Variants in MMP16 observed in about 807,000 individuals in gnomAD.
MMP16 encodes the protein matrix metallopeptidase 16.
MMP16 carries 12 observed loss-of-function variants against 67.8 expected under a neutral mutation model. The ratio of observed to expected loss-of-function variants is 0.18; its 90% CI spans 0.11 to 0.29. The LOEUF is 0.29. Among genes scored for constraint, MMP16 ranks in the 10% least tolerant of loss-of-function variants. MMP16 has a pLI of 1.00. For synonymous variants in MMP16, 249 were observed against 255.9 expected (o/e 0.97, Z 0.26); for missense variants, 475 against 765.7 (o/e 0.62, Z 4.48).
chr8:88,241,546 ATTAT>A (rs933253025), intron 1 of MMP16, among the ~76,000 whole-genome samples: 4 of 152,100 alleles, frequency 2.6e-5, no homozygotes, highest in Admixed American at 6.6e-5. Flanking sequence ...TTTTTTAAAA[ATTAT>A]TTATTTGATG....
intron 1 of MMP16, among the ~76,000 whole-genome samples, chr8:88,253,182 T>G (rs922301535): frequency 1.7e-5 from 2 of 119,186 alleles, no homozygotes; most frequent in African/African-American, 5.2e-5. Flanking sequence ...TTACTAATAT[T>G]TATTTAGACA....
intron 1 of MMP16, among the ~76,000 whole-genome samples, chr8:88,282,446 A>T (rs913791931): frequency 1.3e-5 from 2 of 152,234 alleles, no homozygotes; most frequent in African/African-American, 2.4e-5. Context: ...AATTAATTCA[A>T]TAGAATCTAT....
chr8:88,208,969 G>A (rs185727106), intron 1 of MMP16, among the ~76,000 whole-genome samples: 4 of 152,126 alleles, frequency 2.6e-5, no homozygotes, highest in Admixed American at 1.3e-4. Flanking sequence ...CATCTGAACC[G>A]TGCCAGATGA....
chr8:88,258,348 C>G (rs1193806470), intron 1 of MMP16, among the ~76,000 whole-genome samples: 1 of 152,142 alleles, frequency 6.6e-6, no homozygotes, highest in South Asian at 2.1e-4. Context: ...CTAAAATAGG[C>G]TTTCAATTTC....
At chr8:88,293,989 A>G (rs2130024389) in intron 1 of MMP16, among the ~76,000 whole-genome samples, 1 of 152,182 alleles carries the variant, frequency 6.6e-6, no homozygotes, top group South Asian at 2.1e-4. Context: ...AAGCTAGACC[A>G]ACCATCAGTC....
intron 3 of MMP16, among the ~76,000 whole-genome samples, chr8:88,168,945 C>A (rs577518720): frequency 5.3e-4 from 80 of 152,046 alleles, no homozygotes; most frequent in African/African-American, 1.8e-3. Context: ...GGCACTCAAG[C>A]AATCCTCCCA....
chr8:88,158,189 T>G lies in MMP16; in HGVS notation c.709+9480A>C, dbSNP rs1003044593. 1.6e-4 allele frequency among the ~76,000 whole-genome samples: 25 copies of G among 152,276 alleles called. No individual in the cohort carries two copies. The South Asian group carries it at 5.2e-3, about 32-fold the overall frequency. On this transcript the variant is annotated intron_variant, in intron 4 of 9. Coordinates refer to ENST00000286614, the MANE Select transcript of MMP16 (RefSeq NM_005941.5). ...TATAGTCCTTTGGGTATATACCCAG[T>G]AATGGGATGGCTGGGTCAAATGGTA... is the stretch of plus-strand genomic sequence containing the variant.
chr8:88,127,729 T>C (rs549677516), intron 4 of MMP16, among the ~76,000 whole-genome samples: 10 of 152,018 alleles, frequency 6.6e-5, no homozygotes, highest in African/African-American at 2.2e-4. Flanking sequence ...GTACCTTACA[T>C]TGGCTTTTCT....
chr8:88,230,535 CTTT>C (rs3060800), intron 1 of MMP16, among the ~76,000 whole-genome samples: 225 of 142,500 alleles, frequency 1.6e-3, no homozygotes, highest in Admixed American at 2.0e-3. Flanking sequence ...GATCAATTTT[CTTT>C]TTTTTTTTTT....
intron 4 of MMP16, among the ~76,000 whole-genome samples, chr8:88,149,102 A>G (rs1245878704): frequency 6.6e-6 from 1 of 152,184 alleles, no homozygotes; most frequent in African/African-American, 2.4e-5. Flanking sequence ...GGGGTGACGG[A>G]CGCACCTGGA....
chr8:88,139,703 T>A (rs1007830888), intron 4 of MMP16, among the ~76,000 whole-genome samples: 2 of 152,134 alleles, frequency 1.3e-5, no homozygotes, highest in Admixed American at 1.3e-4. Flanking sequence ...ATAATGTTAA[T>A]GTTAATTAAA....
At chr8:88,168,116 C>T (rs1808742718) in intron 3 of MMP16, 143 bp from the exon 4 acceptor site, 4 of 630,286 alleles carry the variant, frequency 6.3e-6, no homozygotes, top group South Asian at 4.7e-5. Flanking sequence ...CTTGTCTCTA[C>T]TGTTAGATTT....
intron 1 of MMP16, among the ~76,000 whole-genome samples, chr8:88,221,000 T>C (rs1403230634): frequency 1.3e-5 from 2 of 152,110 alleles, no homozygotes. Flanking sequence ...GTGAGCTATG[T>C]ACCCAGGTGA....
At chr8:88,165,191 A>C (rs963654576) in intron 4 of MMP16, among the ~76,000 whole-genome samples, 4 of 151,108 alleles carry the variant, frequency 2.6e-5, no homozygotes, top group South Asian at 2.1e-4. Flanking sequence ...AAAAAAAAAA[A>C]AAAAAAAAGA....
At chr8:88,069,027 GT>G (rs1808506124) in intron 7 of MMP16, among the ~76,000 whole-genome samples, 1 of 152,032 alleles carries the variant, frequency 6.6e-6, no homozygotes, top group Non-Finnish European at 1.5e-5. Flanking sequence ...TTCCAAAGTG[GT>G]TTTGTCTATA....
intron 3 of MMP16, among the ~76,000 whole-genome samples, chr8:88,182,282 G>C (rs1283925126): frequency 3.9e-5 from 6 of 152,002 alleles, no homozygotes; most frequent in Non-Finnish European, 8.8e-5. Context: ...ACAATATACA[G>C]AAAATCTTAA....
chr8:88,143,059 C>T (rs1808237931), intron 4 of MMP16, among the ~76,000 whole-genome samples: 2 of 151,906 alleles, frequency 1.3e-5, no homozygotes, highest in African/African-American at 4.8e-5. Flanking sequence ...TTTGACAGAG[C>T]CCATTATGTC....
chr8:88,102,551 G>C (rs1288897041), intron 6 of MMP16, among the ~76,000 whole-genome samples: 1 of 151,642 alleles, frequency 6.6e-6, no homozygotes, highest in Non-Finnish European at 1.5e-5. Flanking sequence ...ATGTAAGCAT[G>C]ATTGATTCAA....
intron 4 of MMP16, among the ~76,000 whole-genome samples, chr8:88,155,359 A>G (rs974554315): frequency 1.3e-4 from 19 of 151,972 alleles, no homozygotes; most frequent in East Asian, 1.9e-4. Context: ...CAACAGTTTT[A>G]TTTTTTAGTC....
Sources: gnomAD v4.1 joint callset for allele counts (sites outside exome capture counted in the v4.1 genomes callset) on GRCh38, gnomAD v4.1.1 for gene constraint, MANE v1.5 for transcripts, NCBI Gene and HGNC (gene_info 2026-07-23, HGNC 2026-07-21) for gene names.